The following BNC2 variants were observed in gnomAD, a reference collection of about 807,000 sequenced individuals.
The protein encoded by BNC2 is basonuclin zinc finger protein 2.
A neutral mutation model predicts 76.3 loss-of-function variants in BNC2; 20 were observed. That is an observed-to-expected ratio of 0.26 (90% CI 0.18 to 0.38). The LOEUF is 0.38. Ranked by LOEUF, BNC2 falls within the 10% of genes least tolerant of loss-of-function variation. The probability of loss-of-function intolerance (pLI) is 1.00; values close to 1 mark genes in which losing one functional copy is unlikely to be tolerated. For synonymous variants in BNC2, 582 were observed against 514.8 expected (o/e 1.13, Z -1.77); for missense variants, 1,382 against 1,399.8 (o/e 0.99, Z 0.20).
At chr9:16,664,884 C>A (rs1241887444) in intron 3 of BNC2, among the ~76,000 whole-genome samples, 1 of 149,312 alleles carries the variant, frequency 6.7e-6, no homozygotes, top group Non-Finnish European at 1.5e-5. Flanking sequence ...AAGCATTGTG[C>A]TGATGCTGCC....
rs376399982 is a variant in BNC2, at chr9:16,419,580, C to A, written c.2709G>T (p.Ser903=). 1.5e-4 allele frequency: 244 copies of A among 1,611,318 alleles called. No homozygotes were observed. The highest frequency in any genetic ancestry group is 2.0e-4 in the Non-Finnish European group (239 of 1,179,750). Residue 903 remains serine, a synonymous_variant, in exon 7 of 7, where the codon TCG becomes TCT. Coordinates refer to ENST00000380672, the MANE Select transcript of BNC2 (RefSeq NM_017637.6). The part of the protein sequence containing the change: ...TKELDDMGLD[S]SQPSLSKDLR... ...GGTCCTTGCTAAGGGAGGGCTGCGA[C>A]GAGTCCAGGCCCATGTCATCGAGTT...
chr9:16,652,460 A>AATAAAGAATTCAAG (rs57804604), intron 3 of BNC2, among the ~76,000 whole-genome samples: 18,367 of 152,140 alleles, frequency 0.12, 1,960 homozygotes, highest in African/African-American at 0.29. Flanking sequence ...CACGAAAGTG[A>AATAAAGAATTCAAG]ATGCCTTACT....
At chr9:16,567,854 A>G (rs571939990) in intron 4 of BNC2, among the ~76,000 whole-genome samples, 2 of 152,318 alleles carry the variant, frequency 1.3e-5, no homozygotes, top group Admixed American at 6.5e-5. Flanking sequence ...TCAATAAGAT[A>G]AGAAGTATGT....
At chr9:16,566,971 C>T (rs1414948627) in intron 4 of BNC2, among the ~76,000 whole-genome samples, 31 of 152,090 alleles carry the variant, frequency 2.0e-4, no homozygotes, top group Admixed American at 6.6e-5. Context: ...AATACAAGCT[C>T]CTTAAACTGT....
Position 16,437,313 on chromosome 9 carries a change from C to A in BNC2, c.881G>T (p.Ser294Ile). ...TFIESNNRTRSPSLLAHLENS... is the reference protein window; with the variant it reads ...TFIESNNRTRIPSLLAHLENS... ...CTCTAAGTGAGCAAGGAGGCTGGGA[C>A]TCCTGGTGCGATTATTGCTCTCAAT... The change falls in exon 6 of 7, where the codon AGT becomes ATT. Residue 294 changes from serine (S) to isoleucine (I), a missense_variant. Coordinates refer to ENST00000380672, the MANE Select transcript of BNC2 (RefSeq NM_017637.6). 2 of 1,614,146 alleles carry A rather than the reference C, an allele frequency of 1.2e-6. No individual in the cohort carries two copies. Among genetic ancestry groups the A allele is most frequent in the Non-Finnish European group, 1.7e-6 (2 of 1,180,016 alleles).
chr9:16,663,640 C>A (rs924036364), intron 3 of BNC2, among the ~76,000 whole-genome samples: 1 of 152,028 alleles, frequency 6.6e-6, no homozygotes, highest in Non-Finnish European at 1.5e-5. Context: ...GGTGACTTTA[C>A]ACAGGTAAAA....
At chr9:16,751,366 A>G (rs1220632511) in intron 1 of BNC2, among the ~76,000 whole-genome samples, 1 of 151,946 alleles carries the variant, frequency 6.6e-6, no homozygotes, top group Non-Finnish European at 1.5e-5. Context: ...TTCAGCACAC[A>G]AATGTTACAT....
intron 1 of BNC2, among the ~76,000 whole-genome samples, chr9:16,743,106 C>T (rs1307982950): frequency 6.6e-6 from 1 of 152,164 alleles, no homozygotes; most frequent in Non-Finnish European, 1.5e-5. Flanking sequence ...GTTCTACCAT[C>T]CTTGGAGACA....
At chr9:16,627,191 G>A (rs1821022444) in intron 3 of BNC2, among the ~76,000 whole-genome samples, 2 of 152,162 alleles carry the variant, frequency 1.3e-5, no homozygotes, top group Admixed American at 6.5e-5. Flanking sequence ...CAGAACTTTA[G>A]AAGGGAACAG....
intron 3 of BNC2, among the ~76,000 whole-genome samples, chr9:16,663,130 C>CTTTTTTTTTTTTTTTTTTTTTTT (rs71325979): frequency 1.9e-4 from 19 of 99,614 alleles, no homozygotes; most frequent in African/African-American, 3.6e-4. Flanking sequence ...TCTGTTTACT[C>CTTTTTTTTTTTTTTTTTTTTTTT]TTTTTTTTTT....
chr9:16,685,786 T>C (rs1490779508), intron 3 of BNC2, among the ~76,000 whole-genome samples: 1 of 152,242 alleles, frequency 6.6e-6, no homozygotes, highest in Non-Finnish European at 1.5e-5. Flanking sequence ...GTCAAATATA[T>C]AGTGAATACC....
intron 3 of BNC2, among the ~76,000 whole-genome samples, chr9:16,620,383 G>A (rs940784883): frequency 6.6e-5 from 10 of 152,140 alleles, no homozygotes; most frequent in Admixed American, 4.6e-4. Flanking sequence ...GACTTTGCTC[G>A]GAGCTTTTAC....
chr9:16,461,373 G>C (rs943542434), intron 5 of BNC2, among the ~76,000 whole-genome samples: 10 of 152,116 alleles, frequency 6.6e-5, no homozygotes, highest in African/African-American at 2.2e-4. Context: ...AACAAGTACA[G>C]AACTTCCTTC....
At chr9:16,442,596 G>C (rs1016920793) in intron 5 of BNC2, among the ~76,000 whole-genome samples, 8 of 152,170 alleles carry the variant, frequency 5.3e-5, no homozygotes, top group Non-Finnish European at 1.5e-5. Flanking sequence ...TGAAGAGATG[G>C]AAGAGAAACC....
At chr9:16,618,828 A>G (rs1288189627) in intron 3 of BNC2, among the ~76,000 whole-genome samples, 1 of 152,208 alleles carries the variant, frequency 6.6e-6, no homozygotes, top group Non-Finnish European at 1.5e-5. Flanking sequence ...GGTGGAGGAC[A>G]ACAGTTGCAG....
At chr9:16,699,093 G>C (rs1232446005) in intron 3 of BNC2, 4 of 432,768 alleles carry the variant, frequency 9.2e-6, no homozygotes, top group Admixed American at 8.3e-5. Context: ...GGTTTGGGTA[G>C]TGATTTTGTT....
chr9:16,459,856 C>G (rs1176523001), intron 5 of BNC2, among the ~76,000 whole-genome samples: 1 of 152,152 alleles, frequency 6.6e-6, no homozygotes, highest in South Asian at 2.1e-4. Context: ...ATATAAACCA[C>G]AGATTGCACA....
At chr9:16,426,741 T>C (rs1200314551) in intron 6 of BNC2, among the ~76,000 whole-genome samples, 3 of 152,296 alleles carry the variant, frequency 2.0e-5, no homozygotes, top group Middle Eastern at 3.4e-3. Context: ...AATGTTTTAA[T>C]ATTTAGAAAC....
At chr9:16,465,828 A>G (rs1563796780) in intron 5 of BNC2, among the ~76,000 whole-genome samples, 1 of 152,030 alleles carries the variant, frequency 6.6e-6, no homozygotes, top group Non-Finnish European at 1.5e-5. Context: ...GGTTCTGGCC[A>G]GGGCATTCAG....
Sources: allele counts gnomAD v4.1 joint callset (sites outside exome capture counted in the v4.1 genomes callset), GRCh38; gene constraint gnomAD v4.1.1; transcripts MANE v1.5; gene names NCBI Gene and HGNC (gene_info 2026-07-23, HGNC 2026-07-21).